The following PTCH1 variants were observed in gnomAD, a reference collection of about 807,000 sequenced individuals.
PTCH1 encodes the protein protein patched homolog 1.
Under a neutral mutation model 144.6 loss-of-function variants are expected in PTCH1, and 14 were observed. The observed-to-expected ratio is 0.10, with a 90% CI of 0.06 to 0.15. The LOEUF (loss-of-function observed/expected upper bound fraction) is 0.15. PTCH1 is among the 10% of genes least tolerant of loss of function. The pLI is 1.00. For missense variants in PTCH1, 1,623 were observed against 1,948.3 expected, an observed-to-expected ratio of 0.83 and a Z score of 3.14; for synonymous variants, 833 against 793.6, an observed-to-expected ratio of 1.05 and a Z score of -0.83.
rs1258331808 is a variant in PTCH1, at chr9:95,508,522, C to G, written c.-161G>C. ...GCTCGGGCTCCGGTTGACAGACCAG[C>G]CGCTGCTGCTGCTCACACGGCGGGC... On this transcript the variant is annotated 5_prime_UTR_variant, in exon 1 of 24. Transcript: ENST00000331920. 10 of 1,015,164 alleles carry G rather than the reference C, an allele frequency of 9.9e-6. No individual in the cohort carries two copies. The South Asian group carries it at 3.6e-4, about 37-fold the overall frequency. 62.9% of individuals were successfully genotyped at this position (1,015,164 alleles called of 1,614,324 possible).
chr9:95,443,472 A>C lies in PTCH1; in HGVS notation c.*2921T>G, dbSNP rs1362485510. On this transcript the variant is annotated 3_prime_UTR_variant, in exon 24 of 24. Transcript: ENST00000331920. Reference sequence around the variant, plus strand: ...AATTTCTATCAGTGTTTGAACATTAATTATTTAGAGAGTTTGTACATTTTC... The same window carrying C: ...AATTTCTATCAGTGTTTGAACATTACTTATTTAGAGAGTTTGTACATTTTC... 6.5e-6 allele frequency: 1 copy of C among 152,674 alleles called. No homozygotes were observed. Among genetic ancestry groups the C allele is most frequent in the African/African-American group, 2.4e-5 (1 of 41,470 alleles). The allele number at this position is 152,674 out of a possible 1,614,324, so 9.5% of individuals were successfully genotyped here.
intron 12 of PTCH1, among the ~76,000 whole-genome samples, chr9:95,471,793 A>G (rs1027656606): frequency 3.3e-5 from 5 of 152,174 alleles, no homozygotes; most frequent in Non-Finnish European, 7.4e-5. Flanking sequence ...TAATCCCAGC[A>G]CTGTGGGAGG....
At chr9:95,498,723 G>A (rs1280256082) in intron 2 of PTCH1, among the ~76,000 whole-genome samples, 1 of 152,162 alleles carries the variant, frequency 6.6e-6, no homozygotes, top group Non-Finnish European at 1.5e-5. Flanking sequence ...AGAAGAGAAA[G>A]TAACAGAAGT....
Position 95,457,170 on chromosome 9 carries a change from G to C in PTCH1, c.3169-757C>G, listed in dbSNP as rs548846316. ...GATTTGGAGTTTCTTGGTCCAAAGC[G>C]GAGAAGATACAAATAAACAACAAGT... On this transcript the variant is annotated intron_variant, in intron 18 of 23. Coordinates refer to ENST00000331920, the MANE Select transcript of PTCH1 (RefSeq NM_000264.5). Among the ~76,000 whole-genome samples, 15 of 149,416 alleles carry C rather than the reference G, an allele frequency of 1.0e-4. No individual in the cohort carries two copies. The South Asian group carries it at 2.2e-3, about 22-fold the overall frequency.
chr9:95,501,668 A>C, intron 2 of PTCH1, among the ~76,000 whole-genome samples: 1 of 152,204 alleles, frequency 6.6e-6, no homozygotes, highest in East Asian at 1.9e-4. Context: ...GCAGAAAAGG[A>C]GGCCAGGAGC....
intron 12 of PTCH1, among the ~76,000 whole-genome samples, chr9:95,470,352 G>C (rs1188230805): frequency 6.6e-6 from 1 of 152,154 alleles, no homozygotes; most frequent in Non-Finnish European, 1.5e-5. Flanking sequence ...ATATAAAGTG[G>C]ATCGAGTATA....
intron 2 of PTCH1, among the ~76,000 whole-genome samples, chr9:95,500,040 A>C (rs900359989): frequency 1.3e-5 from 2 of 152,178 alleles, no homozygotes; most frequent in Admixed American, 1.3e-4. Context: ...CAAATGAAAC[A>C]TAAACATGGC....
upstream of PTCH1, among the ~76,000 whole-genome samples, chr9:95,511,488 C>T (rs1844158759): frequency 6.6e-6 from 1 of 152,188 alleles, no homozygotes; most frequent in Non-Finnish European, 1.5e-5. Context: ...TGTTTGGGGG[C>T]GTTCGCGGGA....
At chr9:95,495,822 C>T (rs941117426) in intron 2 of PTCH1, among the ~76,000 whole-genome samples, 2 of 152,160 alleles carry the variant, frequency 1.3e-5, no homozygotes, top group African/African-American at 4.8e-5. Context: ...ACTTCAATGA[C>T]TGAATTTTTT....
chr9:95,504,261 T>C (rs1018285487), intron 2 of PTCH1, among the ~76,000 whole-genome samples: 4 of 151,958 alleles, frequency 2.6e-5, no homozygotes, highest in Admixed American at 6.6e-5. Context: ...ATCCAGTCCA[T>C]TGAAAAAGAA....
chr9:95,488,719 C>T (rs971254815), intron 2 of PTCH1, among the ~76,000 whole-genome samples: 7 of 152,178 alleles, frequency 4.6e-5, no homozygotes, highest in African/African-American at 9.7e-5. Context: ...GAACAGGCAA[C>T]AGCCAAGCAA....
At chr9:95,446,804 T>C (rs1837936490) in intron 23 of PTCH1, 107 bp downstream of exon 23, 6 of 1,453,764 alleles carry the variant, frequency 4.1e-6, no homozygotes, top group Middle Eastern at 2.4e-4. Flanking sequence ...GCGTGGGATG[T>C]GCCCGAGCGC....
intron 15 of PTCH1, among the ~76,000 whole-genome samples, chr9:95,465,545 G>C (rs1192766726): frequency 6.6e-6 from 1 of 152,152 alleles, no homozygotes; most frequent in East Asian, 1.9e-4. Context: ...CCTCCAAAAG[G>C]AAAGTCAAAT....
At chr9:95,513,276 T>C (rs1844234441), upstream of PTCH1, among the ~76,000 whole-genome samples, 1 of 152,216 alleles carries the variant, frequency 6.6e-6, no homozygotes, top group South Asian at 2.1e-4. Flanking sequence ...AAATCCAATG[T>C]AATTTGGCAA....
At chr9:95,484,702 G>A (rs1779822638) in intron 3 of PTCH1, among the ~76,000 whole-genome samples, 1 of 152,146 alleles carries the variant, frequency 6.6e-6, no homozygotes, top group African/African-American at 2.4e-5. Context: ...GGGGTTTAGT[G>A]ATGCCAACCT....
At position 95,446,944 on chromosome 9, in the gene PTCH1, C is replaced by T. The variant is rs768254901; in HGVS notation, c.4312G>A (p.Glu1438Lys). The T allele has an allele frequency of 2.0e-5, 32 of 1,614,062 alleles. No homozygotes were observed. The highest frequency in any genetic ancestry group is 6.7e-5 in the East Asian group (3 of 44,892). Reference protein sequence around the residue: ...EVIELQDVECEERPRGSSSN With the variant: ...EVIELQDVECKERPRGSSSN ...GAGCTGCTTCCCCGGGGCCTCTCCT[C>T]GCATTCCACGTCCTGCAGCTCAATG... Residue 1438 changes from glutamate (E) to lysine (K), a missense_variant, in exon 23 of 24, where the codon GAG becomes AAG. Coordinates refer to ENST00000331920, the MANE Select transcript of PTCH1 (RefSeq NM_000264.5).
chr9:95,477,489 A>C, intron 10 of PTCH1, 58 bp downstream of exon 10: 1 of 1,612,612 alleles, frequency 6.2e-7, no homozygotes, highest in Non-Finnish European at 8.5e-7. Context: ...GGCTGGGCCA[A>C]GCCTGGGGGC....
At position 95,508,431 on chromosome 9, in the gene PTCH1, G is replaced by C; in HGVS notation, c.-70C>G. The C allele has an allele frequency of 9.6e-7, 1 of 1,042,602 alleles. No homozygotes were observed. The highest frequency in any genetic ancestry group is 8.2e-5 in the East Asian group (1 of 12,196). The allele number at this position is 1,042,602 out of a possible 1,614,324, so 64.6% of individuals were successfully genotyped here. The stretch of plus-strand genomic sequence containing the variant: ...GGCGGCCCGGCGCGCTGCTGCCGCT[G>C]CTGCGGGCTCCTGGCGCGCCTGGGC... On this transcript the variant is annotated 5_prime_UTR_variant, in exon 1 of 24. Coordinates refer to ENST00000331920, the MANE Select transcript of PTCH1 (RefSeq NM_000264.5).
At chr9:95,483,698 A>G (rs1588618237) in intron 3 of PTCH1, 1 of 152,174 alleles carries the variant, frequency 6.6e-6, no homozygotes, top group Admixed American at 6.5e-5. Flanking sequence ...GTCTATCTAT[A>G]CTGATGTCTT....
Sources: allele counts gnomAD v4.1 joint callset (sites outside exome capture counted in the v4.1 genomes callset), GRCh38; gene constraint gnomAD v4.1.1; transcripts MANE v1.5; gene names NCBI Gene and HGNC (gene_info 2026-07-23, HGNC 2026-07-21).